The following RIMS1 variants were observed in gnomAD, a reference collection of about 807,000 sequenced individuals.
The protein encoded by RIMS1 is regulating synaptic membrane exocytosis 1, also known as regulating synaptic membrane exocytosis protein 1.
RIMS1 carries 83 observed loss-of-function variants against 214.1 expected under a neutral mutation model. The observed-to-expected ratio is 0.39, with a 90% confidence interval of 0.32 to 0.47. The LOEUF (loss-of-function observed/expected upper bound fraction) is 0.47, where lower values mean the gene tolerates loss of function less well. Among genes scored for constraint, RIMS1 ranks in the 20% least tolerant of loss-of-function variants. RIMS1 has a pLI of 0.99. For missense variants in RIMS1, 2,050 were observed against 2,161.8 expected, an observed-to-expected ratio of 0.95 and a Z score of 1.03; for synonymous variants, 793 against 786.8, an observed-to-expected ratio of 1.01 and a Z score of -0.13.
chr6:72,240,674 C>T (rs2066460710), intron 9 of RIMS1, among the ~76,000 whole-genome samples: 1 of 99,702 alleles, frequency 1.0e-5, no homozygotes, highest in Non-Finnish European at 1.9e-5. Flanking sequence ...TATTCATTGC[C>T]TATTTGAAAA....
At chr6:71,943,361 C>G (rs1436785097) in intron 1 of RIMS1, among the ~76,000 whole-genome samples, 1 of 152,126 alleles carries the variant, frequency 6.6e-6, no homozygotes, top group African/African-American at 2.4e-5. Flanking sequence ...GGAGGGATGA[C>G]TTTATATATA....
Position 72,079,537 on chromosome 6 carries a change from A to T in RIMS1, c.246-17412A>T, listed in dbSNP as rs10080422. On this transcript the variant is annotated intron_variant, in intron 2 of 33. Coordinates refer to ENST00000521978, the MANE Select transcript of RIMS1 (RefSeq NM_014989.7). ...CAGAAAGTTGAACACCCTTCACTTG[A>T]TGTGATTTGGCAATAATTGTCTTTG... Among the ~76,000 whole-genome samples the T allele has an allele frequency of 7.6e-3, 1,152 of 152,240 alleles. 17 individuals are homozygous for T. Among genetic ancestry groups the T allele is most frequent in the African/African-American group, 0.027 (1,116 of 41,524 alleles).
intron 1 of RIMS1, among the ~76,000 whole-genome samples, chr6:71,961,599 TTG>T (rs1792973723): frequency 6.6e-6 from 1 of 152,178 alleles, no homozygotes; most frequent in Non-Finnish European, 1.5e-5. Context: ...GCAGTTCCAC[TTG>T]AGCTTCACCT....
At chr6:71,899,669 C>T (rs1772983844) in intron 1 of RIMS1, among the ~76,000 whole-genome samples, 1 of 152,036 alleles carries the variant, frequency 6.6e-6, no homozygotes, top group South Asian at 2.1e-4. Flanking sequence ...CTTGCATTAC[C>T]TTTTGCACCC....
At chr6:72,309,235 GT>G (rs1287494834) in intron 27 of RIMS1, among the ~76,000 whole-genome samples, 3 of 152,068 alleles carry the variant, frequency 2.0e-5, no homozygotes, top group Non-Finnish European at 1.5e-5. Flanking sequence ...GTACTCAGAA[GT>G]CTAAACCACC....
intron 6 of RIMS1, among the ~76,000 whole-genome samples, chr6:72,195,807 G>A (rs988065072): frequency 2.0e-5 from 3 of 152,066 alleles, no homozygotes; most frequent in African/African-American, 7.2e-5. Flanking sequence ...TTTATAAAGA[G>A]GTTTAGTTGA....
Position 71,951,651 on chromosome 6 carries a change from C to T in RIMS1, c.165-17332C>T, listed in dbSNP as rs566080951. Among the ~76,000 whole-genome samples the T allele has an allele frequency of 1.5e-4, 17 of 111,144 alleles. No individual in the cohort carries two copies. In the South Asian group the frequency reaches 1.7e-3, roughly 11 times the overall value. 72.9% of individuals were successfully genotyped at this position (111,144 alleles called of 152,430 possible). On this transcript the variant is annotated intron_variant, in intron 1 of 33. Transcript: ENST00000521978. Reference sequence around the variant, plus strand: ...GTAGGACCACAGTTGTGCACCACCACGCTTAGCTAATTTTTTTTTTTTTTT... The same window carrying T: ...GTAGGACCACAGTTGTGCACCACCATGCTTAGCTAATTTTTTTTTTTTTTT...
Position 72,399,055 on chromosome 6 carries a change from T to C in RIMS1, c.4821T>C (p.Ser1607=), listed in dbSNP as rs2098810838. 1.9e-6 allele frequency: 3 copies of C among 1,608,582 alleles called. No homozygotes were observed. The highest frequency in any genetic ancestry group is 3.3e-5 in the Admixed American group (2 of 59,810). ...CCCTTGATCCTTTGTATCAGCAGTCTCTGGTTTTTGATGAAAGTCCACAGG... is the reference window on the plus strand; with the variant it reads ...CCCTTGATCCTTTGTATCAGCAGTCCCTGGTTTTTGATGAAAGTCCACAGG... The part of the protein sequence containing the change: ...RKTLDPLYQQ[S]LVFDESPQGK... Residue 1607 remains serine (S), a synonymous_variant, in exon 33 of 34, where the codon TCT becomes TCC. Coordinates refer to ENST00000521978, the MANE Select transcript of RIMS1 (RefSeq NM_014989.7).
intron 1 of RIMS1, among the ~76,000 whole-genome samples, chr6:71,943,549 C>T (rs1189131351): frequency 1.3e-5 from 2 of 152,148 alleles, no homozygotes; most frequent in African/African-American, 2.4e-5. Flanking sequence ...AAATTTAGCA[C>T]TGCTTTAATA....
At chr6:71,990,526 T>C (rs1801279485) in intron 2 of RIMS1, among the ~76,000 whole-genome samples, 1 of 152,042 alleles carries the variant, frequency 6.6e-6, no homozygotes, top group South Asian at 2.1e-4. Flanking sequence ...AATGCCACTA[T>C]CAAACTTGAA....
chr6:72,331,616 CAG>C (rs1457557833), intron 28 of RIMS1, among the ~76,000 whole-genome samples: 1 of 151,776 alleles, frequency 6.6e-6, no homozygotes, highest in Non-Finnish European at 1.5e-5. Flanking sequence ...GGTGAAGACA[CAG>C]AAGAAATTGA....
At chr6:72,282,035 G>GATGA (rs992037516) in intron 23 of RIMS1, among the ~76,000 whole-genome samples, 4 of 151,872 alleles carry the variant, frequency 2.6e-5, no homozygotes. Context: ...GTGTTTGTTG[G>GATGA]ATGAATGAAT....
Position 72,400,799 on chromosome 6 carries a change from T to C in RIMS1, c.*85T>C, listed in dbSNP as rs2098830871. ...AGATATTTCATGATCGAAAGCATTG[T>C]TGGAGACAGACAATCAACTTGTGTT... On this transcript the variant is annotated 3_prime_UTR_variant, in exon 34 of 34. Transcript: ENST00000521978. 3.6e-6 allele frequency: 4 copies of C among 1,107,220 alleles called. No individual in the cohort carries two copies. Among genetic ancestry groups the C allele is most frequent in the Non-Finnish European group, 5.3e-6 (4 of 760,696 alleles). The allele number at this position is 1,107,220 out of a possible 1,614,324, so 68.6% of individuals were successfully genotyped here.
chr6:72,182,911 G>A lies in RIMS1; in HGVS notation c.1440G>A (p.Ser480=), dbSNP rs927391946. ...AGCAGAGCCGCCTGGACCCCAGCTC[G>A]GCGGTCCTCATGCGGAAGGCCAAGC... ...LRKQSRLDPS[S]AVLMRKAKRE... The change falls in exon 6 of 34, where the codon TCG becomes TCA. Residue 480 remains serine, a synonymous_variant. Coordinates refer to ENST00000521978, the MANE Select transcript of RIMS1 (RefSeq NM_014989.7). The A allele has an allele frequency of 6.3e-7, 1 of 1,578,468 alleles. No homozygotes were observed. The highest frequency in any genetic ancestry group is 1.3e-5 in the African/African-American group (1 of 74,120).
intron 4 of RIMS1, among the ~76,000 whole-genome samples, chr6:72,139,141 G>A (rs1015052369): frequency 1.3e-5 from 2 of 152,080 alleles, no homozygotes; most frequent in Non-Finnish European, 2.9e-5. Flanking sequence ...TGTGCATATA[G>A]TGTTGGAAGG....
At chr6:71,910,182 A>G (rs1249168109) in intron 1 of RIMS1, among the ~76,000 whole-genome samples, 1 of 152,182 alleles carries the variant, frequency 6.6e-6, no homozygotes, top group Non-Finnish European at 1.5e-5. Flanking sequence ...AAAATTAAAA[A>G]TGACTACCCA....
At chr6:72,338,346 G>A (rs563732132) in intron 29 of RIMS1, among the ~76,000 whole-genome samples, 3 of 152,152 alleles carry the variant, frequency 2.0e-5, no homozygotes, top group African/African-American at 7.2e-5. Context: ...GGCCAGTGAT[G>A]GTGAGCATTT....
At chr6:71,952,221 A>G (rs755063461) in intron 1 of RIMS1, among the ~76,000 whole-genome samples, 2 of 152,190 alleles carry the variant, frequency 1.3e-5, no homozygotes, top group Non-Finnish European at 1.5e-5. Context: ...ACTTCCCACC[A>G]TCACTCTATG....
chr6:72,393,787 A>G (rs147413780), intron 31 of RIMS1, among the ~76,000 whole-genome samples: 2 of 152,256 alleles, frequency 1.3e-5, no homozygotes, highest in Non-Finnish European at 2.9e-5. Flanking sequence ...GGATTCTTCA[A>G]TATACTGGAA....
Sources: gnomAD v4.1 joint callset for allele counts (sites outside exome capture counted in the v4.1 genomes callset) on GRCh38, gnomAD v4.1.1 for gene constraint, MANE v1.5 for transcripts, NCBI Gene and HGNC (gene_info 2026-07-23, HGNC 2026-07-21) for gene names.